The following CSMD2 variants were observed in gnomAD, a reference collection of about 807,000 sequenced individuals.
The protein encoded by CSMD2 is CUB and Sushi multiple domains 2.
Under a neutral mutation model 398.5 loss-of-function variants are expected in CSMD2, and 130 were observed. The ratio of observed to expected loss-of-function variants is 0.33; its 90% CI spans 0.28 to 0.38. The LOEUF (loss-of-function observed/expected upper bound fraction) is 0.38, where lower values mean the gene tolerates loss of function less well. CSMD2 is among the 10% of genes least tolerant of loss of function. The pLI is 1.00. For missense variants in CSMD2, 3,829 were observed against 4,764.9 expected (o/e 0.80, Z 5.78); for synonymous variants, 1,828 against 1,908.5 (o/e 0.96, Z 1.10).
chr1:34,098,451 A>T lies in CSMD2; in HGVS notation c.188-9258T>A, dbSNP rs1359085464. ...AATAAATAAATAAATAAATAAAAAG[A>T]AAAAAAAAGAAAAATAGATTGTCAC... On this transcript the variant is annotated intron_variant, in intron 1 of 70. Transcript: ENST00000373381. Among the ~76,000 whole-genome samples the T allele has an allele frequency of 4.0e-5, 6 of 150,058 alleles. No homozygotes were observed. The South Asian group carries it at 6.3e-4, about 16-fold the overall frequency.
chr1:34,102,444 T>C (rs970303461), intron 1 of CSMD2, among the ~76,000 whole-genome samples: 1 of 152,206 alleles, frequency 6.6e-6, no homozygotes, highest in African/African-American at 2.4e-5. Flanking sequence ...GCTTCTCATC[T>C]CACTCAACAT....
chr1:33,671,840 T>C (rs1464538742), intron 25 of CSMD2, among the ~76,000 whole-genome samples: 8 of 152,194 alleles, frequency 5.3e-5, no homozygotes, highest in Non-Finnish European at 1.0e-4. Context: ...AACTTGCTTC[T>C]GAGATCACGG....
chr1:33,614,526 T>C lies in CSMD2; in HGVS notation c.6111A>G (p.Lys2037=). The part of the protein sequence containing the change: ...NYPSNMDCSW[K]IALPVGFGAH... ...TACCAAAGCCCACGGGCAGTGCTAT[T>C]TTCCAGGAGCAGTCCATGTTACTGG... Residue 2037 remains lysine, a synonymous_variant, in exon 40 of 71, where the codon AAA becomes AAG. Coordinates refer to ENST00000373381, the MANE Select transcript of CSMD2 (RefSeq NM_001281956.2). 1 of 1,608,068 alleles carries C rather than the reference T, an allele frequency of 6.2e-7. No individual in the cohort carries two copies. Among genetic ancestry groups the C allele is most frequent in the Non-Finnish European group, 8.5e-7 (1 of 1,175,042 alleles).
chr1:33,830,326 A>G (rs1300549326), intron 6 of CSMD2, among the ~76,000 whole-genome samples: 1 of 152,172 alleles, frequency 6.6e-6, no homozygotes, highest in Admixed American at 6.5e-5. Flanking sequence ...CCAGAGGAAT[A>G]ATCAGACAGC....
In CSMD2 at chr1:34,099,546, A is replaced by C. The variant is rs117139999; in HGVS notation, c.188-10353T>G. 2.7e-4 allele frequency among the ~76,000 whole-genome samples: 41 copies of C among 152,328 alleles called. No individual in the cohort carries two copies. In the East Asian group the frequency reaches 7.7e-3, roughly 29 times the overall value. On this transcript the variant is annotated intron_variant, in intron 1 of 70. Transcript: ENST00000373381. ...ATTCTGATTAAGAATCTGGGTGTGAATGGCATCTTCTGCTATAGAGAAAGA... is the reference window on the plus strand; with the variant it reads ...ATTCTGATTAAGAATCTGGGTGTGACTGGCATCTTCTGCTATAGAGAAAGA...
At chr1:33,935,630 T>C in intron 4 of CSMD2, 130 bp downstream of exon 4, 1 of 917,420 alleles carries the variant, frequency 1.1e-6, no homozygotes. Flanking sequence ...CCCTCTGTGC[T>C]GTCCAGACTT....
chr1:33,674,201 T>C (rs946846150), intron 25 of CSMD2, among the ~76,000 whole-genome samples: 6 of 152,170 alleles, frequency 3.9e-5, no homozygotes, highest in African/African-American at 1.4e-4. Flanking sequence ...GTGTGCTGTA[T>C]TCAGGAAACC....
intron 1 of CSMD2, among the ~76,000 whole-genome samples, chr1:34,112,461 A>T (rs1351817889): frequency 6.6e-6 from 1 of 152,188 alleles, no homozygotes; most frequent in Non-Finnish European, 1.5e-5. Context: ...GAGGTAACTC[A>T]AAGGGTTTCC....
At chr1:34,162,292 T>C (rs765756486) in intron 1 of CSMD2, among the ~76,000 whole-genome samples, 1 of 151,330 alleles carries the variant, frequency 6.6e-6, no homozygotes. Context: ...GGACAAGGAC[T>C]AAAGGGGTTG....
chr1:33,973,633 G>A (rs1645851787), intron 3 of CSMD2, among the ~76,000 whole-genome samples: 1 of 152,174 alleles, frequency 6.6e-6, no homozygotes, highest in African/African-American at 2.4e-5. Context: ...GTTAGTGCAG[G>A]AAAATGCACT....
At chr1:33,976,277 T>C (rs1035408716) in intron 3 of CSMD2, among the ~76,000 whole-genome samples, 1 of 152,168 alleles carries the variant, frequency 6.6e-6, no homozygotes, top group African/African-American at 2.4e-5. Flanking sequence ...AGCAGATGAT[T>C]GAGGACTTGG....
chr1:33,645,392 C>CACAT (rs1491251611), intron 29 of CSMD2, among the ~76,000 whole-genome samples: 2 of 119,470 alleles, frequency 1.7e-5, no homozygotes, highest in Non-Finnish European at 3.5e-5. Context: ...CACACACACA[C>CACAT]ATATATAAAA....
chr1:34,025,294 G>GA (rs1649496936), intron 3 of CSMD2, among the ~76,000 whole-genome samples: 1 of 152,166 alleles, frequency 6.6e-6, no homozygotes, highest in South Asian at 2.1e-4. Flanking sequence ...ACTAAGTGGA[G>GA]CATGTCTTCT....
intron 19 of CSMD2, among the ~76,000 whole-genome samples, chr1:33,721,250 C>A (rs1166543874): frequency 6.6e-6 from 1 of 152,106 alleles, no homozygotes; most frequent in African/African-American, 2.4e-5. Context: ...ATTGGTCATG[C>A]TATATACTGA....
chr1:33,907,099 G>A (rs951499743), intron 5 of CSMD2, among the ~76,000 whole-genome samples: 1 of 150,264 alleles, frequency 6.7e-6, no homozygotes, highest in African/African-American at 2.5e-5. Flanking sequence ...GGTGGGGTTG[G>A]TTATTTGATG....
At chr1:33,530,956 T>G (rs577763647) in intron 64 of CSMD2, among the ~76,000 whole-genome samples, 29 of 152,118 alleles carry the variant, frequency 1.9e-4, no homozygotes, top group South Asian at 4.1e-4. Flanking sequence ...GGGGTGGTAC[T>G]GGGGGGTTGG....
At chr1:33,650,088 T>C (rs1239073722) in intron 28 of CSMD2, among the ~76,000 whole-genome samples, 2 of 152,152 alleles carry the variant, frequency 1.3e-5, no homozygotes, top group Non-Finnish European at 2.9e-5. Flanking sequence ...GGAGTGAGTC[T>C]TGGTCACAAA....
chr1:33,738,148 T>C (rs1646943111), intron 15 of CSMD2, among the ~76,000 whole-genome samples: 1 of 152,156 alleles, frequency 6.6e-6, no homozygotes, highest in Admixed American at 6.5e-5. Context: ...ATGGCCACTA[T>C]GCCCAGATTT....
chr1:34,125,699 A>G (rs1180635626), intron 1 of CSMD2, among the ~76,000 whole-genome samples: 1 of 152,194 alleles, frequency 6.6e-6, no homozygotes, highest in African/African-American at 2.4e-5. Context: ...GTCACATCCA[A>G]TTGAGACCAT....
Sources: gnomAD v4.1 joint callset for allele counts (sites outside exome capture counted in the v4.1 genomes callset) on GRCh38, gnomAD v4.1.1 for gene constraint, MANE v1.5 for transcripts, NCBI Gene and HGNC (gene_info 2026-07-23, HGNC 2026-07-21) for gene names.